GALNT13: variants seen among roughly 807,000 people sequenced by gnomAD.
The protein encoded by GALNT13 is UDP-GalNAc:polypeptide N-acetylgalactosaminyltransferase 13.
GALNT13 carries 28 observed loss-of-function variants against 64.2 expected under a neutral mutation model. The ratio of observed to expected loss-of-function variants is 0.44; its 90% confidence interval spans 0.32 to 0.60. The LOEUF (loss-of-function observed/expected upper bound fraction) is 0.60. Among genes scored for constraint, GALNT13 ranks in the 20% least tolerant of loss-of-function variants. The pLI, the probability that GALNT13 is intolerant of heterozygous loss-of-function variation, is 0.05. For synonymous variants in GALNT13, 214 were observed against 224.6 expected (o/e 0.95, Z 0.42); for missense variants, 577 against 669.8 (o/e 0.86, Z 1.53).
the GALNT13 span, among the ~76,000 whole-genome samples, chr2:153,104,391 T>TA: frequency 2.0e-5 from 3 of 152,108 alleles, no homozygotes; most frequent in African/African-American, 7.2e-5. Flanking sequence ...TTAGAATTTG[T>TA]AAAAAAATTT....
intron 9 of GALNT13, among the ~76,000 whole-genome samples, chr2:154,307,104 C>G (rs919957867): frequency 2.0e-5 from 3 of 151,930 alleles, no homozygotes; most frequent in African/African-American, 7.3e-5. Flanking sequence ...TTGGGTAGGT[C>G]AGATCCCTTT....
chr2:153,717,727 T>C, the GALNT13 span, among the ~76,000 whole-genome samples: 2 of 152,192 alleles, frequency 1.3e-5, no homozygotes, highest in Admixed American at 6.5e-5. Flanking sequence ...TGCTGAGTTT[T>C]TAAGGACTGA....
chr2:153,853,473 T>C, the GALNT13 span, among the ~76,000 whole-genome samples: 2 of 152,130 alleles, frequency 1.3e-5, no homozygotes, highest in African/African-American at 4.8e-5. Flanking sequence ...AATAAATAAA[T>C]TGTCATATAA....
At chr2:153,188,282 A>G in the GALNT13 span, among the ~76,000 whole-genome samples, 1 of 152,162 alleles carries the variant, frequency 6.6e-6, no homozygotes, top group African/African-American at 2.4e-5. Context: ...GGGTGAATCT[A>G]AATCATCTCT....
At chr2:154,049,106 T>C (rs959505214) in intron 3 of GALNT13, among the ~76,000 whole-genome samples, 3 of 152,048 alleles carry the variant, frequency 2.0e-5, no homozygotes, top group Admixed American at 1.3e-4. Flanking sequence ...GTCATCCCTT[T>C]GTAGTCCATC....
At chr2:153,248,575 A>G in the GALNT13 span, among the ~76,000 whole-genome samples, 126,263 of 151,432 alleles carry the variant, frequency 0.83, 53,871 homozygotes, top group African/African-American at 0.93. Flanking sequence ...GCACTTTGGG[A>G]GGCTGAGGAG....
chr2:153,334,970 A>G, the GALNT13 span, among the ~76,000 whole-genome samples: 1 of 152,288 alleles, frequency 6.6e-6, no homozygotes, highest in South Asian at 2.1e-4. Flanking sequence ...TAATTGAATC[A>G]TGGGGGCCAG....
At chr2:154,385,758 T>C (rs779719114) in intron 9 of GALNT13, among the ~76,000 whole-genome samples, 1 of 152,014 alleles carries the variant, frequency 6.6e-6, no homozygotes, top group Non-Finnish European at 1.5e-5. Context: ...GAGGGATAGA[T>C]GAGTGTCCTC....
intron 3 of GALNT13, among the ~76,000 whole-genome samples, chr2:154,056,198 C>T (rs755153721): frequency 5.3e-5 from 8 of 152,070 alleles, no homozygotes; most frequent in Non-Finnish European, 1.0e-4. Flanking sequence ...AATTGGAAAG[C>T]ATTTCAACCA....
At chr2:153,524,532 A>G in the GALNT13 span, among the ~76,000 whole-genome samples, 39 of 152,188 alleles carry the variant, frequency 2.6e-4, no homozygotes, top group South Asian at 7.1e-3. Context: ...TCAATTGCCA[A>G]TGCCACACCT....
chr2:154,156,631 T>A (rs1159849939), intron 4 of GALNT13, among the ~76,000 whole-genome samples: 2 of 152,178 alleles, frequency 1.3e-5, no homozygotes, highest in African/African-American at 4.8e-5. Context: ...AGGAACTTCC[T>A]CAGGGTCATG....
chr2:153,272,983 G>C, the GALNT13 span, among the ~76,000 whole-genome samples: 1 of 152,202 alleles, frequency 6.6e-6, no homozygotes, highest in Non-Finnish European at 1.5e-5. Flanking sequence ...GGATGAAGCT[G>C]CAATCCATGA....
At chr2:154,122,391 C>G (rs535472369) in intron 3 of GALNT13, among the ~76,000 whole-genome samples, 16 of 151,804 alleles carry the variant, frequency 1.1e-4, no homozygotes, top group African/African-American at 3.9e-4. Flanking sequence ...CATAATTTTT[C>G]TTTTTGTACT....
the GALNT13 span, among the ~76,000 whole-genome samples, chr2:153,133,719 A>G: frequency 4.2e-3 from 638 of 152,294 alleles, 1 homozygote; most frequent in Admixed American, 0.011. Context: ...CCATTTGTCT[A>G]TAACAGAGAC....
chr2:154,036,237 T>C (rs547445134), intron 3 of GALNT13, among the ~76,000 whole-genome samples: 45 of 152,244 alleles, frequency 3.0e-4, no homozygotes, highest in Non-Finnish European at 6.0e-4. Context: ...TATTTCAAAT[T>C]ATATTTGCTT....
chr2:153,135,268 T>A, the GALNT13 span, among the ~76,000 whole-genome samples: 1 of 152,144 alleles, frequency 6.6e-6, no homozygotes, highest in Non-Finnish European at 1.5e-5. Context: ...TTAACTGTAA[T>A]TTCCTCCTAA....
the GALNT13 span, among the ~76,000 whole-genome samples, chr2:153,450,144 T>A: frequency 6.6e-6 from 1 of 152,214 alleles, no homozygotes; most frequent in Non-Finnish European, 1.5e-5. Context: ...GGAGAGTTCA[T>A]GTAACCACTC....
the GALNT13 span, among the ~76,000 whole-genome samples, chr2:153,276,744 C>T: frequency 6.6e-6 from 1 of 151,972 alleles, no homozygotes; most frequent in African/African-American, 2.4e-5. Context: ...TTTTATCCGT[C>T]TTCTTTGTCT....
the GALNT13 span, among the ~76,000 whole-genome samples, chr2:153,800,359 G>A: frequency 6.6e-6 from 1 of 152,062 alleles, no homozygotes; most frequent in Non-Finnish European, 1.5e-5. Context: ...CACATTGCTG[G>A]CAGAGGATCT....
Sources: gnomAD v4.1 joint callset for allele counts (sites outside exome capture counted in the v4.1 genomes callset) on GRCh38, gnomAD v4.1.1 for gene constraint, MANE v1.5 for transcripts, NCBI Gene and HGNC (gene_info 2026-07-23, HGNC 2026-07-21) for gene names.